ERICH3: variants seen among roughly 807,000 people sequenced by gnomAD.
ERICH3 encodes the protein glutamate rich 3, also known as glutamate-rich protein 3.
In ERICH3, 126 loss-of-function variants were observed where a neutral mutation model predicts 131.1. The ratio of observed to expected loss-of-function variants is 0.96; its 90% confidence interval spans 0.83 to 1.11. ERICH3 has a LOEUF of 1.11. ERICH3 is among the 50% of genes most tolerant of loss of function. The pLI, the probability that ERICH3 is intolerant of heterozygous loss-of-function variation, is 0.00. For missense variants in ERICH3, 2,050 were observed against 1,810.7 expected, an observed-to-expected ratio of 1.13 and a Z score of -2.40; for synonymous variants, 695 against 644.6, an observed-to-expected ratio of 1.08 and a Z score of -1.18.
At chr1:74,656,993 A>G (rs1254412069) in intron 1 of ERICH3, among the ~76,000 whole-genome samples, 1 of 152,212 alleles carries the variant, frequency 6.6e-6, no homozygotes, top group Non-Finnish European at 1.5e-5. Flanking sequence ...CCCAGCCAGG[A>G]TTTGTTGAGT....
chr1:74,600,090 C>G (rs1378451714), intron 10 of ERICH3, among the ~76,000 whole-genome samples, 159 bp from the exon 11 acceptor site: 1 of 151,782 alleles, frequency 6.6e-6, no homozygotes, highest in Non-Finnish European at 1.5e-5. Flanking sequence ...AAACTAACAG[C>G]AAATGATCAA....
chr1:74,673,831 CT>C (rs1055640848), upstream of ERICH3: 24 of 336,224 alleles, frequency 7.1e-5, no homozygotes, highest in Non-Finnish European at 1.0e-4. Context: ...AAGCCAGCTT[CT>C]ACCCCTTTTT....
At chr1:74,582,280 T>C (rs76520371) in intron 12 of ERICH3, among the ~76,000 whole-genome samples, 2,512 of 152,308 alleles carry the variant, frequency 0.016, 83 homozygotes, top group African/African-American at 0.057. Flanking sequence ...GATGCTCCTC[T>C]TTCTCATGGG....
Position 74,572,687 on chromosome 1 carries a change from A to T in ERICH3, c.3023T>A (p.Val1008Asp). The change falls in exon 14 of 15, where the codon GTT becomes GAT. Residue 1008 changes from valine to aspartate, a missense_variant. Val to Asp is a radical substitution (Grantham distance 152, BLOSUM62 -3). Coordinates refer to ENST00000326665, the MANE Select transcript of ERICH3 (RefSeq NM_001002912.5). ...TGEAEASRMQVSEGSPEEGSL... is the reference protein window; with the variant it reads ...TGEAEASRMQDSEGSPEEGSL... ...TCCTTCCTCAGGGCTGCCCTCCGAA[A>T]CCTGCATCCGGCTTGCCTCTGCCTC... 6.2e-7 allele frequency: 1 copy of T among 1,613,306 alleles called. No individual in the cohort carries two copies. The highest frequency in any genetic ancestry group is 8.5e-7 in the Non-Finnish European group (1 of 1,179,804).
chr1:74,617,693 C>A (rs1177416939), intron 8 of ERICH3, among the ~76,000 whole-genome samples: 1 of 152,164 alleles, frequency 6.6e-6, no homozygotes, highest in Non-Finnish European at 1.5e-5. Context: ...GTCTATGAGA[C>A]AAGGACCAAC....
At chr1:74,586,542 A>T in intron 12 of ERICH3, 3 of 956,230 alleles carry the variant, frequency 3.1e-6, no homozygotes, top group Non-Finnish European at 3.7e-6. Context: ...GTGAGAAAAA[A>T]GTTTATCAAA....
chr1:74,572,118 T>C lies in ERICH3; in HGVS notation c.3592A>G (p.Ser1198Gly). ...TEHKDREELS[S>G]RENRALKEGH... The stretch of plus-strand genomic sequence containing the variant: ...TCCTTCAGGGCCCTATTCTCCCTGC[T>C]GGACAGCTCTTCTCTGTCTTTGTGC... Residue 1198 changes from serine to glycine, a missense_variant, in exon 14 of 15, where the codon AGC (serine) becomes GGC (glycine). Transcript: ENST00000326665. 6.2e-7 allele frequency: 1 copy of C among 1,614,240 alleles called. No homozygotes were observed. The highest frequency in any genetic ancestry group is 1.3e-5 in the African/African-American group (1 of 75,070).
chr1:74,584,248 G>A (rs1276401035), intron 12 of ERICH3, among the ~76,000 whole-genome samples: 3 of 152,192 alleles, frequency 2.0e-5, no homozygotes, highest in Non-Finnish European at 4.4e-5. Context: ...CAGTTGCAGA[G>A]AATGCTAAAG....
chr1:74,605,720 C>A (rs548078469), intron 10 of ERICH3, among the ~76,000 whole-genome samples: 25 of 151,566 alleles, frequency 1.6e-4, no homozygotes, highest in Admixed American at 1.1e-3. Context: ...GCTCATGGCA[C>A]CCCAAAACAA....
In ERICH3 at chr1:74,631,863, T is replaced by C; in HGVS notation, c.669A>G (p.Gln223=). 6.2e-7 allele frequency: 1 copy of C among 1,613,548 alleles called. No homozygotes were observed. ...TCATGTAACTGTTAATGTTTGGAAG[T>C]TGATATGAATTCATTCTCTGTGAAT... The part of the protein sequence containing the change: ...IGNSQRMNSY[Q]LPNINSYMMP... The change falls in exon 7 of 15, where the codon CAA becomes CAG. Residue 223 remains glutamine, a synonymous_variant. Transcript: ENST00000326665.
At chr1:74,656,329 G>C (rs1646583366) in intron 1 of ERICH3, among the ~76,000 whole-genome samples, 1 of 152,100 alleles carries the variant, frequency 6.6e-6, no homozygotes, top group African/African-American at 2.4e-5. Context: ...TTGGCATTTA[G>C]TGTTTCTTTC....
rs1646949087 is a variant in ERICH3, at chr1:74,571,653, C to T, written c.4057G>A (p.Ala1353Thr). Residue 1353 changes from alanine (A) to threonine (T), a missense_variant, in exon 14 of 15, where the codon GCC (alanine) becomes ACC (threonine). Coordinates refer to ENST00000326665, the MANE Select transcript of ERICH3 (RefSeq NM_001002912.5). ...LHGGGETAET[A>T]AEEREVLAGS... ...GCCAACACCTCCCTCTCCTCTGCGG[C>T]TGTTTCTGCCGTTTCACCACCTCCG... 1.2e-6 allele frequency: 2 copies of T among 1,614,192 alleles called. No individual in the cohort carries two copies. Among genetic ancestry groups the T allele is most frequent in the South Asian group, 2.2e-5 (2 of 91,080 alleles).
intron 1 of ERICH3, among the ~76,000 whole-genome samples, chr1:74,666,001 A>G (rs1386651529): frequency 1.3e-5 from 2 of 152,176 alleles, no homozygotes; most frequent in African/African-American, 2.4e-5. Context: ...CCAAAATACC[A>G]TAACTTGATT....
At chr1:74,636,468 A>C (rs1332813253) in intron 5 of ERICH3, 30 bp from the exon 6 acceptor site, 1 of 1,579,686 alleles carries the variant, frequency 6.3e-7, no homozygotes, top group Admixed American at 1.8e-5. Flanking sequence ...AATTCCATTT[A>C]AATTAGTATC....
intron 8 of ERICH3, among the ~76,000 whole-genome samples, chr1:74,619,311 G>T (rs1432084585): frequency 6.6e-6 from 1 of 151,996 alleles, no homozygotes; most frequent in Non-Finnish European, 1.5e-5. Flanking sequence ...ACATTTTCCA[G>T]CAAATAGATG....
At chr1:74,659,383 C>A (rs747141475) in intron 1 of ERICH3, among the ~76,000 whole-genome samples, 1 of 152,104 alleles carries the variant, frequency 6.6e-6, no homozygotes, top group South Asian at 2.1e-4. Context: ...CAAAACCCCC[C>A]GTTGGAAAAA....
At chr1:74,602,607 G>T (rs1032026326) in intron 10 of ERICH3, among the ~76,000 whole-genome samples, 1 of 151,760 alleles carries the variant, frequency 6.6e-6, no homozygotes, top group Admixed American at 6.6e-5. Context: ...AAACCCTTGC[G>T]GCTGTGGCTG....
intron 1 of ERICH3, among the ~76,000 whole-genome samples, chr1:74,660,595 G>GTATATA (rs35580326): frequency 3.5e-5 from 5 of 143,924 alleles, no homozygotes; most frequent in Non-Finnish European, 6.1e-5. Flanking sequence ...ACACACAAGT[G>GTATATA]TATATATATA....
chr1:74,584,619 C>T (rs9661135), intron 12 of ERICH3, among the ~76,000 whole-genome samples: 10 of 152,116 alleles, frequency 6.6e-5, no homozygotes, highest in African/African-American at 1.9e-4. Context: ...AATACTACCC[C>T]TTCCTCAAAC....
Sources: gnomAD v4.1 joint callset for allele counts (sites outside exome capture counted in the v4.1 genomes callset) on GRCh38, gnomAD v4.1.1 for gene constraint, MANE v1.5 for transcripts, NCBI Gene and HGNC (gene_info 2026-07-23, HGNC 2026-07-21) for gene names.